The following MCC variants were observed in gnomAD, a reference collection of about 807,000 sequenced individuals.
MCC encodes the protein MCC regulator of Wnt signaling pathway.
Under a neutral mutation model 116.2 loss-of-function variants are expected in MCC, and 90 were observed. That is an observed-to-expected ratio of 0.77 (90% CI 0.65 to 0.92). The LOEUF is 0.92. MCC is among the 40% of genes least tolerant of loss of function. The probability of loss-of-function intolerance (pLI) is 0.00; values close to 1 mark genes in which losing one functional copy is unlikely to be tolerated. For synonymous variants in MCC, 578 were observed against 510.5 expected (o/e 1.13, Z -1.78); for missense variants, 1,516 against 1,312.2 (o/e 1.16, Z -2.40).
At chr5:113,275,592 C>A (rs1765790725) in intron 3 of MCC, among the ~76,000 whole-genome samples, 1 of 152,154 alleles carries the variant, frequency 6.6e-6, no homozygotes, top group African/African-American at 2.4e-5. Flanking sequence ...CATGCAGAGA[C>A]AGGTATAGCC....
intron 12 of MCC, among the ~76,000 whole-genome samples, chr5:113,069,785 A>G (rs916492760): frequency 1.3e-5 from 2 of 151,780 alleles, no homozygotes; most frequent in African/African-American, 4.8e-5. Context: ...ACGGGGTTTC[A>G]CTGTGTTAGC....
At chr5:113,338,521 C>T (rs554372936) in intron 3 of MCC, among the ~76,000 whole-genome samples, 3 of 152,320 alleles carry the variant, frequency 2.0e-5, no homozygotes, top group Non-Finnish European at 4.4e-5. Context: ...CCACAGTTTT[C>T]AATAGCAGAT....
chr5:113,034,767 G>T (rs1751216658), intron 17 of MCC, among the ~76,000 whole-genome samples: 1 of 152,236 alleles, frequency 6.6e-6, no homozygotes, highest in African/African-American at 2.4e-5. Context: ...TGAGCTCCAA[G>T]TTGTTGCATC....
At position 113,387,409 on chromosome 5, in the gene MCC, A is replaced by G. The variant is rs577057645; in HGVS notation, c.171-2197T>C. 2.6e-5 allele frequency among the ~76,000 whole-genome samples: 4 copies of G among 152,362 alleles called. No individual in the cohort carries two copies. In the South Asian group the frequency reaches 8.3e-4, roughly 32 times the overall value. On this transcript the variant is annotated intron_variant, in intron 1 of 18. Coordinates refer to ENST00000408903, the MANE Select transcript of MCC (RefSeq NM_001085377.2). ...ACCTGATATTCAGCCAGATTCATCC[A>G]AGAGTTAGGGATGATTAGGATTGCT...
At chr5:113,258,407 A>G (rs1765099168) in intron 3 of MCC, among the ~76,000 whole-genome samples, 2 of 152,228 alleles carry the variant, frequency 1.3e-5, no homozygotes, top group Non-Finnish European at 2.9e-5. Context: ...TAGGAACCAG[A>G]GCACACAGCA....
At chr5:113,114,746 C>T (rs1429856249) in intron 6 of MCC, among the ~76,000 whole-genome samples, 1 of 152,136 alleles carries the variant, frequency 6.6e-6, no homozygotes, top group Admixed American at 6.5e-5. Flanking sequence ...AGGAGTCTGG[C>T]TGGGGACAGC....
chr5:113,390,134 A>G (rs1324761984), intron 1 of MCC, among the ~76,000 whole-genome samples: 1 of 152,220 alleles, frequency 6.6e-6, no homozygotes. Context: ...ATTATTTCAG[A>G]AAACACATAT....
At chr5:113,042,493 A>C (rs1374943435) in intron 17 of MCC, among the ~76,000 whole-genome samples, 1 of 151,090 alleles carries the variant, frequency 6.6e-6, no homozygotes, top group Non-Finnish European at 1.5e-5. Flanking sequence ...AAAAAAAAAA[A>C]AAAAAATTTA....
intron 17 of MCC, among the ~76,000 whole-genome samples, chr5:113,038,707 A>G (rs1426641871): frequency 6.6e-6 from 1 of 152,054 alleles, no homozygotes; most frequent in Admixed American, 6.6e-5. Flanking sequence ...CACACTGACC[A>G]GACAAGGCCC....
At chr5:113,397,770 T>C (rs776373103) in intron 1 of MCC, among the ~76,000 whole-genome samples, 2 of 152,190 alleles carry the variant, frequency 1.3e-5, no homozygotes, top group African/African-American at 4.8e-5. Flanking sequence ...CTTCTGAACA[T>C]TGGCCTTGGA....
intron 16 of MCC, among the ~76,000 whole-genome samples, chr5:113,044,294 G>C (rs1041826678): frequency 6.6e-6 from 1 of 152,178 alleles, no homozygotes; most frequent in African/African-American, 2.4e-5. Context: ...GCATTAGACA[G>C]GGACCTTGAC....
At position 113,029,050 on chromosome 5, in the gene MCC, C is replaced by T. The variant is rs376791005; in HGVS notation, c.2763G>A (p.Lys921=). ...GCTCTTGAACTCTGGCCTTCAACTT[C>T]TTTTCTCTATATTAAAGGAGACAAA... ...AEFTNAIRRE[K]KLKARVQELV... Residue 921 remains lysine (K), a synonymous_variant, in exon 18 of 19, where the codon AAG becomes AAA. Coordinates refer to ENST00000408903, the MANE Select transcript of MCC (RefSeq NM_001085377.2). The T allele has an allele frequency of 1.3e-5, 21 of 1,612,606 alleles. No individual in the cohort carries two copies. The highest frequency in any genetic ancestry group is 4.0e-5 in the African/African-American group (3 of 74,908).
At chr5:113,100,806 T>A (rs1756359923) in intron 8 of MCC, among the ~76,000 whole-genome samples, 1 of 152,318 alleles carries the variant, frequency 6.6e-6, no homozygotes, top group African/African-American at 2.4e-5. Flanking sequence ...TTTATCTGTG[T>A]ACAAAATTAG....
chr5:113,242,919 G>A (rs1561481021), intron 3 of MCC, among the ~76,000 whole-genome samples: 1 of 152,236 alleles, frequency 6.6e-6, no homozygotes, highest in South Asian at 2.1e-4. Flanking sequence ...GCCAGTGGTG[G>A]TGAGAGTTTC....
intron 3 of MCC, among the ~76,000 whole-genome samples, chr5:113,216,729 T>G (rs1763333000): frequency 6.6e-6 from 1 of 152,230 alleles, no homozygotes; most frequent in Non-Finnish European, 1.5e-5. Context: ...TTGTATCAGT[T>G]TTGACTTGCC....
chr5:113,385,334 T>G (rs1769228748), intron 1 of MCC, 122 bp from the exon 2 acceptor site: 2 of 998,018 alleles, frequency 2.0e-6, no homozygotes, highest in Non-Finnish European at 2.9e-6. Flanking sequence ...ATTTTCAACT[T>G]TCTCATTGTT....
At chr5:113,141,944 T>A (rs1759203512) in intron 5 of MCC, among the ~76,000 whole-genome samples, 1 of 152,212 alleles carries the variant, frequency 6.6e-6, no homozygotes, top group Non-Finnish European at 1.5e-5. Context: ...CCAGGCTCCT[T>A]TACATCTGCT....
Position 113,139,297 on chromosome 5 carries a change from GT to G in MCC, c.884+3920del, listed in dbSNP as rs1222556267. On this transcript the variant is annotated intron_variant, in intron 5 of 18. Transcript: ENST00000408903. ...GCATTTCAACATAATTTAATGCAGAGTCCTTTGTTGAGCCTAGTTTTCAGTT... is the reference window on the plus strand; with the variant it reads ...GCATTTCAACATAATTTAATGCAGAGCCTTTGTTGAGCCTAGTTTTCAGTT... Among the ~76,000 whole-genome samples, 5 of 152,264 alleles carry G rather than the reference GT, an allele frequency of 3.3e-5. No individual in the cohort carries two copies. The East Asian group carries it at 7.7e-4, about 23-fold the overall frequency.
At chr5:113,312,310 T>A (rs1767155049) in intron 3 of MCC, among the ~76,000 whole-genome samples, 1 of 152,040 alleles carries the variant, frequency 6.6e-6, no homozygotes. Context: ...CAATGTCTTC[T>A]CTGAAGGACA....
Sources: gnomAD v4.1 joint callset for allele counts (sites outside exome capture counted in the v4.1 genomes callset) on GRCh38, gnomAD v4.1.1 for gene constraint, MANE v1.5 for transcripts, NCBI Gene and HGNC (gene_info 2026-07-23, HGNC 2026-07-21) for gene names.